Variants in VPS54 observed in about 807,000 individuals in gnomAD.
The protein encoded by VPS54 is VPS54 subunit of GARP complex, also known as vacuolar protein sorting-associated protein 54.
In VPS54, 45 loss-of-function variants were observed where a neutral mutation model predicts 121.5. The ratio of observed to expected loss-of-function variants is 0.37; its 90% confidence interval spans 0.29 to 0.47. The LOEUF is 0.47. Ranked by LOEUF, VPS54 falls within the 20% of genes least tolerant of loss-of-function variation. The pLI, the probability that VPS54 is intolerant of heterozygous loss-of-function variation, is 0.99. For missense variants in VPS54, 1,090 were observed against 1,131.4 expected, an observed-to-expected ratio of 0.96 and a Z score of 0.52; for synonymous variants, 371 against 385.8, an observed-to-expected ratio of 0.96 and a Z score of 0.45.
chr2:63,978,133 TCA>T (rs1336125160), intron 3 of VPS54, among the ~76,000 whole-genome samples: 2 of 152,228 alleles, frequency 1.3e-5, no homozygotes, highest in Non-Finnish European at 2.9e-5. Flanking sequence ...CAGGTGCTTC[TCA>T]GTTGTTGATT....
chr2:63,985,095 G>A (rs999992242), intron 1 of VPS54, among the ~76,000 whole-genome samples: 14 of 152,164 alleles, frequency 9.2e-5, no homozygotes, highest in African/African-American at 2.7e-4. Context: ...CAAAGCAGGC[G>A]GATTACTTGA....
chr2:63,922,472 T>A (rs1047196126), intron 12 of VPS54, among the ~76,000 whole-genome samples: 12 of 152,354 alleles, frequency 7.9e-5, no homozygotes, highest in African/African-American at 2.9e-4. Context: ...ATCACCAAAT[T>A]TGTTTACTAA....
At chr2:63,936,957 T>C (rs1041240859) in intron 11 of VPS54, among the ~76,000 whole-genome samples, 2 of 152,036 alleles carry the variant, frequency 1.3e-5, no homozygotes, top group Non-Finnish European at 2.9e-5. Context: ...TGCTAAAGAA[T>C]GAAAGTAGAC....
intron 3 of VPS54, among the ~76,000 whole-genome samples, chr2:63,980,661 ATGTCAGTTT>A (rs1445302746): frequency 6.6e-6 from 1 of 152,118 alleles, no homozygotes; most frequent in Non-Finnish European, 1.5e-5. Context: ...GAAGGAATGG[ATGTCAGTTT>A]TGTTCTCTGC....
intron 5 of VPS54, 119 bp from the exon 6 acceptor site, chr2:63,966,085 C>T (rs1675981302): frequency 1.0e-6 from 1 of 986,436 alleles, no homozygotes; most frequent in African/African-American, 1.7e-5. Flanking sequence ...ATAGCAAAAG[C>T]AAGTGATAAC....
At chr2:63,929,937 T>C (rs1208912574) in intron 12 of VPS54, among the ~76,000 whole-genome samples, 5 of 152,060 alleles carry the variant, frequency 3.3e-5, no homozygotes, top group Non-Finnish European at 7.4e-5. Context: ...TTCCTCGACA[T>C]ATGCACCCTC....
chr2:63,952,218 A>T (rs780380865), intron 7 of VPS54, among the ~76,000 whole-genome samples: 122 of 152,198 alleles, frequency 8.0e-4, no homozygotes, highest in Non-Finnish European at 5.9e-4. Context: ...AAGTACTTTC[A>T]CATACAAAGG....
chr2:63,906,920 T>C (rs1358973577), intron 20 of VPS54, among the ~76,000 whole-genome samples: 2 of 152,164 alleles, frequency 1.3e-5, no homozygotes, highest in African/African-American at 2.4e-5. Flanking sequence ...AGAACAAAAT[T>C]AGTGAGCTCA....
chr2:63,952,131 T>C (rs941437238), intron 7 of VPS54, among the ~76,000 whole-genome samples: 2 of 152,192 alleles, frequency 1.3e-5, no homozygotes, highest in African/African-American at 4.8e-5. Context: ...TTATAATCAG[T>C]TTGAGTTACT....
At chr2:63,927,775 G>T (rs1673983524) in intron 12 of VPS54, among the ~76,000 whole-genome samples, 1 of 152,152 alleles carries the variant, frequency 6.6e-6, no homozygotes, top group Non-Finnish European at 1.5e-5. Flanking sequence ...AAGAAGATTA[G>T]ATGAGTGGCT....
intron 16 of VPS54, among the ~76,000 whole-genome samples, chr2:63,916,444 T>C (rs764914331): frequency 4.6e-5 from 7 of 152,070 alleles, no homozygotes; most frequent in Non-Finnish European, 7.4e-5. Context: ...AGACCTGTGC[T>C]AAATGCTTTA....
intron 7 of VPS54, among the ~76,000 whole-genome samples, chr2:63,951,734 T>C (rs1313702938): frequency 6.6e-6 from 1 of 152,192 alleles, no homozygotes. Flanking sequence ...ATGGCATATA[T>C]ATTTCTAGGC....
rs148203508 is a variant in VPS54, at chr2:63,906,678, T to G, written c.2625+5667A>C. Among the ~76,000 whole-genome samples the G allele has an allele frequency of 8.5e-5, 13 of 152,256 alleles. No individual in the cohort carries two copies. The East Asian group carries it at 2.5e-3, about 29-fold the overall frequency. On this transcript the variant is annotated intron_variant, in intron 20 of 22. Coordinates refer to ENST00000272322, the MANE Select transcript of VPS54 (RefSeq NM_016516.3). ...TACTGAATGTAGTATTGGGAAGAGATACACAACATAGTTTCTGGCTAGCAG... is the reference window on the plus strand; with the variant it reads ...TACTGAATGTAGTATTGGGAAGAGAGACACAACATAGTTTCTGGCTAGCAG...
Position 63,970,202 on chromosome 2 carries a change from A to AAT in VPS54, c.458-1213_458-1212dup, listed in dbSNP as rs560705872. On this transcript the variant is annotated intron_variant, in intron 4 of 22. Coordinates refer to ENST00000272322, the MANE Select transcript of VPS54 (RefSeq NM_016516.3). ...GCTCAGTTCTTTCCCATTAAAAAAA[A>AAT]ATATATATATACACACACACACACA... 9.2e-3 allele frequency among the ~76,000 whole-genome samples: 542 copies of AAT among 58,804 alleles called. 19 individuals are homozygous for AAT. Among genetic ancestry groups the AAT allele is most frequent in the African/African-American group, 0.041 (504 of 12,322 alleles). 38.6% of individuals were successfully genotyped at this position (58,804 alleles called of 152,430 possible).
At chr2:63,934,631 AC>A (rs1267370857) in intron 11 of VPS54, among the ~76,000 whole-genome samples, 2 of 152,126 alleles carry the variant, frequency 1.3e-5, no homozygotes, top group African/African-American at 4.8e-5. Flanking sequence ...CTGAATCTCC[AC>A]CCAGCAACTC....
At chr2:63,958,339 G>T (rs375374397) in intron 7 of VPS54, among the ~76,000 whole-genome samples, 1 of 152,112 alleles carries the variant, frequency 6.6e-6, no homozygotes, top group Non-Finnish European at 1.5e-5. Flanking sequence ...GAAGACACAC[G>T]TAAGCATTAT....
rs559256964 is a variant in VPS54 at position 63,930,830 on chromosome 2, A to G, written c.1739+2843T>C. Among the ~76,000 whole-genome samples, 16 of 152,336 alleles carry G rather than the reference A, an allele frequency of 1.1e-4. No homozygotes were observed. In the South Asian group the frequency reaches 3.1e-3, roughly 30 times the overall value. ...CTTCAGCAAAGTCTCAGGATACAAA[A>G]TCAATGTGCAAAAATCACAAGCATT... On this transcript the variant is annotated intron_variant, in intron 12 of 22. Transcript: ENST00000272322.
At chr2:63,928,649 A>T (rs1479566287) in intron 12 of VPS54, among the ~76,000 whole-genome samples, 2 of 152,202 alleles carry the variant, frequency 1.3e-5, no homozygotes, top group Non-Finnish European at 2.9e-5. Context: ...GATCAAATTC[A>T]CACATAACAA....
At chr2:64,001,166 G>A (rs1444744276) in intron 1 of VPS54, among the ~76,000 whole-genome samples, 3 of 152,070 alleles carry the variant, frequency 2.0e-5, no homozygotes, top group African/African-American at 7.2e-5. Flanking sequence ...ACCACCAAAG[G>A]CCCATAGGGA....
Sources: allele counts gnomAD v4.1 joint callset (sites outside exome capture counted in the v4.1 genomes callset), GRCh38; gene constraint gnomAD v4.1.1; transcripts MANE v1.5; gene names NCBI Gene and HGNC (gene_info 2026-07-23, HGNC 2026-07-21).